The following ARHGEF11 variants were observed in gnomAD, a reference collection of about 807,000 sequenced individuals.
ARHGEF11 encodes the protein Rho guanine exchange factor (GEF) 11.
ARHGEF11 carries 55 observed loss-of-function variants against 193.7 expected under a neutral mutation model. That is an observed-to-expected ratio of 0.28 (90% CI 0.23 to 0.36). The LOEUF is 0.36. Among genes scored for constraint, ARHGEF11 ranks in the 10% least tolerant of loss-of-function variants. The probability of loss-of-function intolerance (pLI) is 1.00; values close to 1 mark genes in which losing one functional copy is unlikely to be tolerated. For synonymous variants in ARHGEF11, 693 were observed against 768.0 expected, an observed-to-expected ratio of 0.90 and a Z score of 1.62; for missense variants, 1,723 against 2,005.6, an observed-to-expected ratio of 0.86 and a Z score of 2.69.
intron 4 of ARHGEF11, among the ~76,000 whole-genome samples, chr1:156,980,208 T>G (rs1024607886): frequency 2.0e-5 from 3 of 152,244 alleles, no homozygotes; most frequent in Non-Finnish European, 4.4e-5. Flanking sequence ...TTCTAGAAGC[T>G]TGGTTGCTTT....
intron 1 of ARHGEF11, among the ~76,000 whole-genome samples, chr1:157,036,942 A>G (rs1384494785): frequency 6.6e-6 from 1 of 151,874 alleles, no homozygotes. Context: ...CCAGGCCAAC[A>G]TGGTGAAACC....
intron 25 of ARHGEF11, 135 bp downstream of exon 25, chr1:156,947,634 C>T: frequency 1.5e-6 from 2 of 1,345,220 alleles, no homozygotes; most frequent in East Asian, 5.0e-5. Context: ...CTTATAGCAA[C>T]AGGCAATGTG....
intron 1 of ARHGEF11, among the ~76,000 whole-genome samples, chr1:157,014,876 C>T (rs976199922): frequency 8.5e-5 from 13 of 152,162 alleles, no homozygotes; most frequent in Non-Finnish European, 1.6e-4. Context: ...GGAGACAGTG[C>T]GTACTCTCCT....
Position 156,979,095 on chromosome 1 carries a change from A to G in ARHGEF11, c.331+134T>C, listed in dbSNP as rs1468193009. On this transcript the variant is annotated intron_variant, in intron 5 of 40. Transcript: ENST00000368194. ...GTGGATCACTCCATGTTACGATTAA[A>G]GATGTGACTTTAGCTGCCTCACATA... 4 of 776,730 alleles carry G rather than the reference A, an allele frequency of 5.1e-6. No individual in the cohort carries two copies. The African/African-American group carries it at 6.8e-5, about 13-fold the overall frequency. 48.1% of individuals were successfully genotyped at this position (776,730 alleles called of 1,614,324 possible). A position where few individuals can be genotyped will look rare whatever the true frequency, so the allele number is the denominator to read the frequency against.
At chr1:157,037,251 AGCT>A (rs1482743264) in intron 1 of ARHGEF11, among the ~76,000 whole-genome samples, 1 of 152,218 alleles carries the variant, frequency 6.6e-6, no homozygotes, top group Non-Finnish European at 1.5e-5. Flanking sequence ...CTGATTCAGA[AGCT>A]CGTTATCTTT....
At chr1:156,961,355 C>T (rs955991821) in intron 14 of ARHGEF11, among the ~76,000 whole-genome samples, 2 of 152,160 alleles carry the variant, frequency 1.3e-5, no homozygotes, top group African/African-American at 2.4e-5. Flanking sequence ...TCTGTTTCTT[C>T]GGCCTAGGGA....
At chr1:156,994,644 C>A (rs896031798) in intron 1 of ARHGEF11, among the ~76,000 whole-genome samples, 5 of 152,068 alleles carry the variant, frequency 3.3e-5, no homozygotes, top group Non-Finnish European at 7.4e-5. Flanking sequence ...GCAGAGAACT[C>A]GTGTGTTGAG....
chr1:156,987,858 A>G (rs559305201), intron 1 of ARHGEF11, among the ~76,000 whole-genome samples: 1 of 152,276 alleles, frequency 6.6e-6, no homozygotes, highest in East Asian at 1.9e-4. Flanking sequence ...TAAACCAGAC[A>G]AGACACTAGG....
intron 1 of ARHGEF11, among the ~76,000 whole-genome samples, chr1:156,999,215 G>C (rs572083632): frequency 6.6e-6 from 1 of 152,290 alleles, no homozygotes; most frequent in South Asian, 2.1e-4. Flanking sequence ...TGACAACCTG[G>C]TGAGATAACA....
chr1:157,011,672 T>G (rs1392567869), intron 1 of ARHGEF11, among the ~76,000 whole-genome samples: 1 of 151,946 alleles, frequency 6.6e-6, no homozygotes, highest in African/African-American at 2.4e-5. Flanking sequence ...TGGGCAAAGA[T>G]CTGAAAAGAT....
chr1:156,953,073 T>C (rs959851535), intron 21 of ARHGEF11, among the ~76,000 whole-genome samples: 3 of 152,248 alleles, frequency 2.0e-5, no homozygotes, highest in African/African-American at 7.2e-5. Flanking sequence ...AATACAGGCG[T>C]AGCCCTGAGA....
At position 156,939,562 on chromosome 1, in the gene ARHGEF11, T is replaced by C. The variant is rs760602366; in HGVS notation, c.4082A>G (p.Lys1361Arg). Reference sequence around the variant, plus strand: ...ATTTATTTTACCTTTTCTCACAACTTTGTAACCTCCTGCTGCCTCTGTGCT... The same window carrying C: ...ATTTATTTTACCTTTTCTCACAACTCTGTAACCTCCTGCTGCCTCTGTGCT... ...ASSTEAAGGYKVVRKAEVAGS... is the reference protein window; with the variant it reads ...ASSTEAAGGYRVVRKAEVAGS... Residue 1361 changes from lysine to arginine, a missense_variant, in exon 37 of 41, where the codon AAA (lysine) becomes AGA (arginine). This residue lies in a region of ARHGEF11 where 360 missense variants were observed against 344.4 expected (regional missense o/e 1.05). Coordinates refer to ENST00000368194, the MANE Select transcript of ARHGEF11 (RefSeq NM_198236.3). 1 of 1,611,932 alleles carries C rather than the reference T, an allele frequency of 6.2e-7. No individual in the cohort carries two copies. Among genetic ancestry groups the C allele is most frequent in the South Asian group, 1.1e-5 (1 of 91,086 alleles).
intron 1 of ARHGEF11, among the ~76,000 whole-genome samples, chr1:157,004,819 T>C (rs972166203): frequency 6.6e-6 from 1 of 152,106 alleles, no homozygotes; most frequent in Non-Finnish European, 1.5e-5. Flanking sequence ...ATTCCCTGGG[T>C]GAGACCCCCC....
intron 14 of ARHGEF11, 71 bp from the exon 15 acceptor site, chr1:156,960,531 C>A (rs56345231): frequency 1.3e-6 from 2 of 1,484,496 alleles, no homozygotes; most frequent in Non-Finnish European, 1.9e-6. Flanking sequence ...GTGTGCAAGG[C>A]GAGGAGGGCT....
At position 156,944,448 on chromosome 1, in the gene ARHGEF11, C is replaced by CCATTCATTCATTCATT. The variant is rs5778015; in HGVS notation, c.2992-31_2992-16dup. 15 of 1,504,564 alleles carry CCATTCATTCATTCATT rather than the reference C, an allele frequency of 1.0e-5. No homozygotes were observed. The highest frequency in any genetic ancestry group is 1.4e-5 in the Non-Finnish European group (15 of 1,084,636). 93.2% of individuals were successfully genotyped at this position (1,504,564 alleles called of 1,614,324 possible). On this transcript the variant is annotated splice_polypyrimidine_tract_variant and intron_variant, in intron 30 of 40. Transcript: ENST00000368194. ...AGATCCAGGCTCTGTTAAGGAGACA[C>CCATTCATTCATTCATT]CATTCATTCATTCATTCATTCATTC...
rs150103249 is a variant in ARHGEF11 at position 156,941,959 on chromosome 1, C to T, written c.3357G>A (p.Arg1119=). 488 of 1,614,126 alleles carry T rather than the reference C, an allele frequency of 3.0e-4. 2 individuals are homozygous for T. Among genetic ancestry groups the T allele is most frequent in the South Asian group, 9.9e-4 (90 of 91,084 alleles). The change falls in exon 34 of 41, where the codon CGG becomes CGA. Residue 1119 remains arginine, a synonymous_variant. Coordinates refer to ENST00000368194, the MANE Select transcript of ARHGEF11 (RefSeq NM_198236.3). ...TWMELLEEAV[R]NATRHPGAAP... ...CAGCTCCGGGGTGCCTGGTGGCATTCCGCACGGCCTCTTCTAAGAGCTCCA... is the reference window on the plus strand; with the variant it reads ...CAGCTCCGGGGTGCCTGGTGGCATTTCGCACGGCCTCTTCTAAGAGCTCCA...
intron 31 of ARHGEF11, 38 bp from the exon 32 acceptor site, chr1:156,944,140 C>T (rs1657639991): frequency 7.5e-6 from 12 of 1,599,832 alleles, no homozygotes; most frequent in African/African-American, 1.3e-5. Context: ...TTCCCTGGTG[C>T]CTACTCATCC....
At chr1:157,029,261 T>TTG (rs1553233709) in intron 1 of ARHGEF11, among the ~76,000 whole-genome samples, 2 of 150,304 alleles carry the variant, frequency 1.3e-5, no homozygotes, top group Non-Finnish European at 2.9e-5. Context: ...TTTGGTGGTT[T>TTG]TTGTTGTTGT....
At position 156,944,095 on chromosome 1, in the gene ARHGEF11, G is replaced by A. The variant is rs374181247; in HGVS notation, c.3075C>T (p.His1025=). 12 of 1,613,498 alleles carry A rather than the reference G, an allele frequency of 7.4e-6. No individual in the cohort carries two copies. The African/African-American group carries it at 8.0e-5, about 11-fold the overall frequency. ...RISKDKTLDL[H]VLLLEDLLVL... ...CTAGGAGGTCCTCCAGCAGCAGCAC[G>A]TGGAGGTCTGGAGGGGTATGGTCAT... Residue 1025 remains histidine, a synonymous_variant, in exon 32 of 41, where the codon CAC becomes CAT. Coordinates refer to ENST00000368194, the MANE Select transcript of ARHGEF11 (RefSeq NM_198236.3).
Sources: allele counts gnomAD v4.1 joint callset (sites outside exome capture counted in the v4.1 genomes callset), GRCh38; gene constraint gnomAD v4.1.1; regional missense constraint gnomAD v4.1.1; transcripts MANE v1.5; gene names NCBI Gene and HGNC (gene_info 2026-07-23, HGNC 2026-07-21).